Variants in ADAM23 observed in about 807,000 individuals in gnomAD.
The protein encoded by ADAM23 is ADAM metallopeptidase domain 23.
ADAM23 carries 33 observed loss-of-function variants against 120.1 expected under a neutral mutation model. That is an observed-to-expected ratio of 0.27 (90% CI 0.21 to 0.37). The LOEUF (loss-of-function observed/expected upper bound fraction) is 0.37. Ranked by LOEUF, ADAM23 falls within the 10% of genes least tolerant of loss-of-function variation. The pLI is 1.00. For missense variants in ADAM23, 862 were observed against 1,058.2 expected (o/e 0.81, Z 2.57); for synonymous variants, 367 against 375.2 (o/e 0.98, Z 0.25).
intron 24 of ADAM23, among the ~76,000 whole-genome samples, chr2:206,600,435 A>C (rs1670061208): frequency 6.6e-6 from 1 of 152,206 alleles, no homozygotes; most frequent in Non-Finnish European, 1.5e-5. Flanking sequence ...TCCATTATAT[A>C]GAGAAAAAAA....
chr2:206,485,358 A>G (rs953096486), intron 3 of ADAM23, among the ~76,000 whole-genome samples: 1 of 152,244 alleles, frequency 6.6e-6, no homozygotes, highest in African/African-American at 2.4e-5. Flanking sequence ...CATTTCCACT[A>G]TAGGATGATC....
intron 15 of ADAM23, among the ~76,000 whole-genome samples, chr2:206,568,553 A>AG (rs1342304974): frequency 1.3e-5 from 2 of 152,242 alleles, no homozygotes; most frequent in African/African-American, 4.8e-5. Flanking sequence ...ACTTCAGCAA[A>AG]GCTGGAAGTC....
intron 3 of ADAM23, among the ~76,000 whole-genome samples, chr2:206,510,285 T>A (rs1696595646): frequency 6.6e-6 from 1 of 152,230 alleles, no homozygotes; most frequent in Non-Finnish European, 1.5e-5. Flanking sequence ...AGACAAATAC[T>A]GTATTTCTTT....
At chr2:206,501,503 A>G (rs925977160) in intron 3 of ADAM23, among the ~76,000 whole-genome samples, 1 of 152,152 alleles carries the variant, frequency 6.6e-6, no homozygotes, top group Non-Finnish European at 1.5e-5. Context: ...GATAACAGCC[A>G]AAGTTCTGTT....
At chr2:206,565,100 T>G (rs747622760) in intron 14 of ADAM23, 32 bp downstream of exon 14, 2 of 1,610,328 alleles carry the variant, frequency 1.2e-6, no homozygotes, top group East Asian at 2.2e-5. Flanking sequence ...ATTTGATATA[T>G]GCCTTTTGCT....
chr2:206,523,631 T>TA (rs1696889403), intron 3 of ADAM23, among the ~76,000 whole-genome samples: 1 of 152,204 alleles, frequency 6.6e-6, no homozygotes, highest in South Asian at 2.1e-4. Flanking sequence ...TGAGTCTATT[T>TA]TTTTTTTAAA....
intron 3 of ADAM23, among the ~76,000 whole-genome samples, chr2:206,488,517 C>T (rs951803390): frequency 1.1e-4 from 17 of 152,156 alleles, no homozygotes; most frequent in Admixed American, 5.9e-4. Flanking sequence ...CTCCTCTGGG[C>T]AGCTGGGATT....
chr2:206,571,883 C>A, intron 17 of ADAM23, 67 bp downstream of exon 17: 2 of 1,395,966 alleles, frequency 1.4e-6, no homozygotes, highest in Non-Finnish European at 2.0e-6. Context: ...AGTGTGTACA[C>A]TGAGCATTTG....
At chr2:206,550,988 A>G (rs1697513767) in intron 9 of ADAM23, among the ~76,000 whole-genome samples, 1 of 152,192 alleles carries the variant, frequency 6.6e-6, no homozygotes, top group African/African-American at 2.4e-5. Flanking sequence ...CATTTCAGTA[A>G]CACTTAAAAG....
chr2:206,581,886 T>C (rs1698224393), intron 18 of ADAM23, among the ~76,000 whole-genome samples: 1 of 151,384 alleles, frequency 6.6e-6, no homozygotes. Flanking sequence ...CCTTCCTTTC[T>C]TTTTTTTTGA....
chr2:206,605,122 CTACCACTTGG>C (rs1698705947), intron 24 of ADAM23, among the ~76,000 whole-genome samples: 1 of 152,220 alleles, frequency 6.6e-6, no homozygotes, highest in Non-Finnish European at 1.5e-5. Context: ...TGATAGTCAT[CTACCACTTGG>C]TGGTCTGAAG....
chr2:206,533,424 C>T (rs1218301947), intron 4 of ADAM23, among the ~76,000 whole-genome samples: 7 of 152,220 alleles, frequency 4.6e-5, no homozygotes, highest in East Asian at 1.9e-4. Context: ...AGGCTGGTCT[C>T]GAACTGCTGA....
Position 206,582,291 on chromosome 2 carries a change from A to G in ADAM23, c.1738-5034A>G, listed in dbSNP as rs571874766. On this transcript the variant is annotated intron_variant, in intron 18 of 25. Transcript: ENST00000264377. ...GTTGGACAAGGCCTTTTACCATTAT[A>G]TACTGTCCCTCTTTGTCTCTTAGCC... 5.8e-4 allele frequency among the ~76,000 whole-genome samples: 88 copies of G among 152,306 alleles called. No individual in the cohort carries two copies. In the South Asian group the frequency reaches 0.018, roughly 31 times the overall value.
intron 3 of ADAM23, among the ~76,000 whole-genome samples, chr2:206,495,136 G>A (rs1316551924): frequency 6.6e-6 from 1 of 152,108 alleles, no homozygotes; most frequent in Non-Finnish European, 1.5e-5. Context: ...TCAAATTCAG[G>A]AAAAATAGAG....
At chr2:206,582,121 G>A (rs13000871) in intron 18 of ADAM23, among the ~76,000 whole-genome samples, 14,658 of 152,108 alleles carry the variant, frequency 0.096, 762 homozygotes, top group Middle Eastern at 0.14. Flanking sequence ...CAGGTGATCC[G>A]CCCGCCTTGG....
At chr2:206,542,212 C>A in intron 5 of ADAM23, 78 bp downstream of exon 5, 1 of 1,399,592 alleles carries the variant, frequency 7.1e-7, no homozygotes, top group Non-Finnish European at 1.0e-6. Flanking sequence ...ATTTTAGTGA[C>A]TCTTCCGTGC....
chr2:206,471,525 T>A (rs1343594145), intron 2 of ADAM23, among the ~76,000 whole-genome samples: 2 of 152,182 alleles, frequency 1.3e-5, no homozygotes, highest in African/African-American at 2.4e-5. Context: ...TAAGCAAATT[T>A]AAAAAACTGC....
intron 2 of ADAM23, among the ~76,000 whole-genome samples, chr2:206,471,811 A>G (rs1695665199): frequency 6.6e-6 from 1 of 152,118 alleles, no homozygotes; most frequent in African/African-American, 2.4e-5. Context: ...AAATGTTACT[A>G]TTCAGGAAGG....
intron 2 of ADAM23, among the ~76,000 whole-genome samples, chr2:206,470,131 G>A (rs1321479263): frequency 6.6e-6 from 1 of 152,100 alleles, no homozygotes; most frequent in African/African-American, 2.4e-5. Flanking sequence ...TGCTTGAAAT[G>A]TGGTAGACAC....
Sources: allele counts gnomAD v4.1 joint callset (sites outside exome capture counted in the v4.1 genomes callset), GRCh38; gene constraint gnomAD v4.1.1; transcripts MANE v1.5; gene names NCBI Gene and HGNC (gene_info 2026-07-23, HGNC 2026-07-21).